Variants in AGBL4 observed in about 807,000 individuals in gnomAD.
AGBL4 encodes the protein cytosolic carboxypeptidase 6.
A neutral mutation model predicts 66.4 loss-of-function variants in AGBL4; 58 were observed. That is an observed-to-expected ratio of 0.87 (90% CI 0.71 to 1.09). The LOEUF is 1.09. Among genes scored for constraint, AGBL4 ranks in the 50% least tolerant of loss-of-function variants. AGBL4 has a pLI of 0.00. For missense variants in AGBL4, 579 were observed against 631.0 expected, an observed-to-expected ratio of 0.92 and a Z score of 0.88; for synonymous variants, 234 against 222.9, an observed-to-expected ratio of 1.05 and a Z score of -0.44.
At chr1:49,888,327 C>T (rs1403473616) in intron 1 of AGBL4, among the ~76,000 whole-genome samples, 1 of 152,072 alleles carries the variant, frequency 6.6e-6, no homozygotes, top group Non-Finnish European at 1.5e-5. Context: ...AGTTTTAATG[C>T]ACTATGTACT....
intron 5 of AGBL4, among the ~76,000 whole-genome samples, chr1:49,024,429 C>G (rs1322545568): frequency 6.6e-6 from 1 of 152,098 alleles, no homozygotes; most frequent in Admixed American, 6.6e-5. Flanking sequence ...TTCTGATTCC[C>G]CAGCCAGGTT....
chr1:49,761,499 G>A (rs1319487456), intron 2 of AGBL4, among the ~76,000 whole-genome samples: 1 of 152,146 alleles, frequency 6.6e-6, no homozygotes, highest in African/African-American at 2.4e-5. Flanking sequence ...CTAGCTTTGA[G>A]ACCTTCGTTA....
In AGBL4 at chr1:49,085,262, T is replaced by TTCATCATCA. The variant is rs55673573; in HGVS notation, c.378-39471_378-39463dup. The stretch of plus-strand genomic sequence containing the variant: ...TAGCTCTCGGATTTAGACTGGGACT[T>TTCATCATCA]TCATCATCATCATCATCATCATCAT... On this transcript the variant is annotated intron_variant, in intron 4 of 13. Coordinates refer to ENST00000371839, the MANE Select transcript of AGBL4 (RefSeq NM_032785.4). Among the ~76,000 whole-genome samples the TTCATCATCA allele has an allele frequency of 1.4e-4, 21 of 145,316 alleles. 1 individual carries two copies. The highest frequency in any genetic ancestry group is 6.8e-4 in the South Asian group (3 of 4,416).
intron 2 of AGBL4, among the ~76,000 whole-genome samples, chr1:49,817,561 C>G (rs1645262624): frequency 6.6e-6 from 1 of 152,092 alleles, no homozygotes; most frequent in African/African-American, 2.4e-5. Flanking sequence ...ATTATTTATT[C>G]TATTCCTAAG....
intron 2 of AGBL4, among the ~76,000 whole-genome samples, chr1:49,701,997 T>C (rs1647103181): frequency 6.6e-6 from 1 of 151,808 alleles, no homozygotes; most frequent in South Asian, 2.1e-4. Context: ...ACCAAGAACA[T>C]ATAAAAACAT....
At chr1:49,226,182 A>G (rs912645833) in intron 4 of AGBL4, among the ~76,000 whole-genome samples, 4 of 152,164 alleles carry the variant, frequency 2.6e-5, no homozygotes, top group Non-Finnish European at 5.9e-5. Context: ...AGTGCCACAC[A>G]TTTTCAATTC....
At chr1:49,167,721 GA>G (rs1250997929) in intron 4 of AGBL4, among the ~76,000 whole-genome samples, 3 of 152,080 alleles carry the variant, frequency 2.0e-5, no homozygotes, top group African/African-American at 7.2e-5. Context: ...AGAATAGGAA[GA>G]AAAAAATTAT....
chr1:49,182,647 T>C (rs1326021767), intron 4 of AGBL4, among the ~76,000 whole-genome samples: 2 of 152,226 alleles, frequency 1.3e-5, no homozygotes. Flanking sequence ...GTATTTTATC[T>C]TTCTAATGAG....
At chr1:49,299,384 T>C (rs529554199) in intron 3 of AGBL4, among the ~76,000 whole-genome samples, 1 of 152,316 alleles carries the variant, frequency 6.6e-6, no homozygotes, top group Non-Finnish European at 1.5e-5. Context: ...TCTTAAACAT[T>C]ACTACTGTAG....
chr1:49,281,824 GA>G (rs1442476952), intron 3 of AGBL4, among the ~76,000 whole-genome samples: 1 of 152,218 alleles, frequency 6.6e-6, no homozygotes, highest in African/African-American at 2.4e-5. Flanking sequence ...AGAAAGCACA[GA>G]AGCCCCAAAC....
intron 1 of AGBL4, among the ~76,000 whole-genome samples, chr1:49,950,137 T>C (rs12748867): frequency 7.0e-6 from 1 of 143,620 alleles, no homozygotes; most frequent in South Asian, 2.1e-4. Flanking sequence ...TGTATATATA[T>C]ACACATATGT....
intron 5 of AGBL4, among the ~76,000 whole-genome samples, chr1:49,017,030 A>G (rs534232099): frequency 2.0e-5 from 3 of 152,328 alleles, no homozygotes; most frequent in African/African-American, 7.2e-5. Context: ...CCCTTTAATG[A>G]AAAACAGCTA....
At chr1:49,160,375 T>G (rs908481411) in intron 4 of AGBL4, among the ~76,000 whole-genome samples, 1 of 152,174 alleles carries the variant, frequency 6.6e-6, no homozygotes, top group Non-Finnish European at 1.5e-5. Context: ...CCTATTTGCC[T>G]GGATATAATC....
chr1:49,564,254 C>T (rs1042660224), intron 3 of AGBL4, among the ~76,000 whole-genome samples: 1 of 152,104 alleles, frequency 6.6e-6, no homozygotes, highest in African/African-American at 2.4e-5. Context: ...TTTCAAAAAA[C>T]CAGCTGCTGG....
chr1:49,490,367 C>G (rs1323627877), intron 3 of AGBL4, among the ~76,000 whole-genome samples: 1 of 151,486 alleles, frequency 6.6e-6, no homozygotes, highest in Admixed American at 6.6e-5. Context: ...TAGATAAATC[C>G]TACTTCTCAG....
chr1:48,715,917 G>A (rs1283323535), intron 6 of AGBL4, among the ~76,000 whole-genome samples: 4 of 151,778 alleles, frequency 2.6e-5, no homozygotes, highest in Admixed American at 6.6e-5. Flanking sequence ...ATTAAAATGT[G>A]GGCCCCAGAG....
chr1:48,753,179 T>C (rs757973038), intron 6 of AGBL4, among the ~76,000 whole-genome samples: 1 of 152,224 alleles, frequency 6.6e-6, no homozygotes, highest in African/African-American at 2.4e-5. Context: ...GAGCTGGGGT[T>C]GAAAACCTCA....
chr1:48,862,603 G>A (rs1044135051), intron 6 of AGBL4, among the ~76,000 whole-genome samples: 1 of 152,184 alleles, frequency 6.6e-6, no homozygotes, highest in South Asian at 2.1e-4. Flanking sequence ...TTACAGGTGT[G>A]AGCCACTGTG....
intron 1 of AGBL4, among the ~76,000 whole-genome samples, chr1:49,868,847 C>T (rs576003235): frequency 1.1e-4 from 16 of 152,220 alleles, no homozygotes; most frequent in Admixed American, 7.9e-4. Flanking sequence ...AAAATTTTTG[C>T]AATCTTTCCA....
Sources: gnomAD v4.1 joint callset for allele counts (sites outside exome capture counted in the v4.1 genomes callset) on GRCh38, gnomAD v4.1.1 for gene constraint, MANE v1.5 for transcripts, NCBI Gene and HGNC (gene_info 2026-07-23, HGNC 2026-07-21) for gene names.